The following CHRM3 variants were observed in gnomAD, a reference collection of about 807,000 sequenced individuals.
The protein encoded by CHRM3 is cholinergic receptor muscarinic 3, also known as muscarinic acetylcholine receptor M3.
Under a neutral mutation model 41.8 loss-of-function variants are expected in CHRM3, and 11 were observed. The observed-to-expected ratio is 0.26, with a 90% CI of 0.17 to 0.44. The LOEUF (loss-of-function observed/expected upper bound fraction) is 0.44, where lower values mean the gene tolerates loss of function less well. Ranked by LOEUF, CHRM3 falls within the 20% of genes least tolerant of loss-of-function variation. CHRM3 has a pLI of 1.00. For synonymous variants in CHRM3, 297 were observed against 301.4 expected (o/e 0.99, Z 0.15); for missense variants, 571 against 745.4 (o/e 0.77, Z 2.72).
chr1:239,751,635 G>A, intron 5 of CHRM3, among the ~76,000 whole-genome samples: 1 of 152,072 alleles, frequency 6.6e-6, no homozygotes. Context: ...TAAGTAGCTA[G>A]TGAAACTCCA....
At chr1:239,711,877 G>A (rs1377811334) in intron 5 of CHRM3, among the ~76,000 whole-genome samples, 1 of 151,928 alleles carries the variant, frequency 6.6e-6, no homozygotes, top group African/African-American at 2.4e-5. Context: ...ACAATAAAAT[G>A]TAGAGATGAA....
intron 3 of CHRM3, among the ~76,000 whole-genome samples, chr1:239,613,549 G>T (rs1667296154): frequency 6.6e-6 from 1 of 152,164 alleles, no homozygotes; most frequent in East Asian, 1.9e-4. Context: ...CAGACAAAAA[G>T]GAGAAGCCTA....
At chr1:239,852,345 T>C (rs1674763528) in intron 6 of CHRM3, among the ~76,000 whole-genome samples, 1 of 152,168 alleles carries the variant, frequency 6.6e-6, no homozygotes, top group Non-Finnish European at 1.5e-5. Flanking sequence ...ATTGTAACTT[T>C]AAGCTGTGTG....
At chr1:239,728,724 C>T (rs1328046656) in intron 5 of CHRM3, among the ~76,000 whole-genome samples, 1 of 151,954 alleles carries the variant, frequency 6.6e-6, no homozygotes. Flanking sequence ...TTCATTCTAA[C>T]TTCTACTCAA....
chr1:239,618,738 G>A (rs954793273), intron 3 of CHRM3, among the ~76,000 whole-genome samples: 3 of 149,472 alleles, frequency 2.0e-5, no homozygotes, highest in African/African-American at 7.4e-5. Context: ...CAGCTACTTG[G>A]GAGGCTGAGG....
chr1:239,705,864 T>C (rs1366313623), intron 5 of CHRM3: 1 of 151,874 alleles, frequency 6.6e-6, no homozygotes, highest in Non-Finnish European at 1.5e-5. Flanking sequence ...GTGTACAAGG[T>C]GATAAAATTA....
At chr1:239,515,400 CAT>C (rs1244730246) in intron 2 of CHRM3, among the ~76,000 whole-genome samples, 8 of 146,556 alleles carry the variant, frequency 5.5e-5, no homozygotes, top group South Asian at 2.2e-4. Context: ...CAATTGTTCA[CAT>C]GTTTTTTTTG....
intron 1 of CHRM3, among the ~76,000 whole-genome samples, chr1:239,411,680 G>A (rs1001943995): frequency 1.7e-5 from 2 of 114,886 alleles, no homozygotes; most frequent in Non-Finnish European, 3.2e-5. Context: ...AGCCAAGATC[G>A]CCCCATTGCA....
In CHRM3 at chr1:239,910,127, A is replaced by ACCT. The variant is rs1429056556; in HGVS notation, c.*907_*909dup. ...GCTTCGCCAGACTTGGTGTTAAGCA[A>ACCT]CCTCCTTTGTTGATGTCTCAACAGA... On this transcript the variant is annotated 3_prime_UTR_variant, in exon 7 of 7. Transcript: ENST00000676153. 6.0e-6 allele frequency: 1 copy of ACCT among 166,854 alleles called. No homozygotes were observed. Among genetic ancestry groups the ACCT allele is most frequent in the Non-Finnish European group, 1.5e-5 (1 of 68,092 alleles). 10.3% of individuals were successfully genotyped at this position (166,854 alleles called of 1,614,324 possible). A position where few individuals can be genotyped will look rare whatever the true frequency, so the allele number is the denominator to read the frequency against.
At chr1:239,561,757 AG>A (rs1346466559) in intron 3 of CHRM3, among the ~76,000 whole-genome samples, 4 of 152,146 alleles carry the variant, frequency 2.6e-5, no homozygotes, top group Admixed American at 2.6e-4. Context: ...CTCTATGAAA[AG>A]TAGAGAAAAT....
chr1:239,899,332 T>C (rs1237962969), intron 6 of CHRM3, among the ~76,000 whole-genome samples: 3 of 150,166 alleles, frequency 2.0e-5, no homozygotes, highest in African/African-American at 7.4e-5. Flanking sequence ...CATATATATC[T>C]ATTGAATTTA....
intron 2 of CHRM3, among the ~76,000 whole-genome samples, chr1:239,541,538 G>T (rs568084869): frequency 6.6e-6 from 1 of 151,790 alleles, no homozygotes; most frequent in African/African-American, 2.4e-5. Flanking sequence ...TTGAGATAGG[G>T]TGTCACTCCG....
Position 239,679,808 on chromosome 1 carries a change from T to A in CHRM3, c.-147+1520T>A, listed in dbSNP as rs146854140. Reference sequence around the variant, plus strand: ...AAAATCAGGACAGTTCACATAAAAATCTGGATTCCCAGTCTTCTCTTTCTC... The same window carrying A: ...AAAATCAGGACAGTTCACATAAAAAACTGGATTCCCAGTCTTCTCTTTCTC... On this transcript the variant is annotated intron_variant, in intron 5 of 6. Transcript: ENST00000676153. Among the ~76,000 whole-genome samples the A allele has an allele frequency of 3.3e-5, 5 of 152,222 alleles. No homozygotes were observed. In the East Asian group the frequency reaches 9.7e-4, roughly 29 times the overall value.
intron 1 of CHRM3, among the ~76,000 whole-genome samples, chr1:239,414,351 T>C (rs901915003): frequency 1.3e-5 from 2 of 152,218 alleles, no homozygotes; most frequent in African/African-American, 4.8e-5. Flanking sequence ...GTTGTTAATC[T>C]CTTCCTCAGT....
At chr1:239,519,741 CTTTTTTTTTTTTTTTTT>C (rs386370161) in intron 2 of CHRM3, among the ~76,000 whole-genome samples, 1 of 85,066 alleles carries the variant, frequency 1.2e-5, no homozygotes, top group African/African-American at 4.8e-5. Flanking sequence ...AAAACTAGTT[CTTTTTTTTTTTTTTTTT>C]TTTTTTTGAG....
At chr1:239,596,854 A>G (rs2148664978) in intron 3 of CHRM3, among the ~76,000 whole-genome samples, 1 of 152,240 alleles carries the variant, frequency 6.6e-6, no homozygotes, top group East Asian at 1.9e-4. Context: ...TAATCTTTTA[A>G]ATGCTGTACA....
intron 5 of CHRM3, among the ~76,000 whole-genome samples, chr1:239,715,488 A>G (rs1473087695): frequency 6.6e-6 from 1 of 152,118 alleles, no homozygotes; most frequent in Non-Finnish European, 1.5e-5. Flanking sequence ...ACTATCATGG[A>G]AGAATGCAGA....
chr1:239,392,518 A>G (rs1659123170), intron 1 of CHRM3, among the ~76,000 whole-genome samples: 1 of 152,208 alleles, frequency 6.6e-6, no homozygotes. Context: ...TAATGTAGAC[A>G]TCCTGGTTCA....
chr1:239,615,574 T>C (rs527689965), intron 3 of CHRM3, among the ~76,000 whole-genome samples: 2 of 152,296 alleles, frequency 1.3e-5, no homozygotes, highest in South Asian at 2.1e-4. Context: ...ACAACTTTGA[T>C]AGATATTTGT....
Sources: allele counts gnomAD v4.1 joint callset (sites outside exome capture counted in the v4.1 genomes callset), GRCh38; gene constraint gnomAD v4.1.1; transcripts MANE v1.5; gene names NCBI Gene and HGNC (gene_info 2026-07-23, HGNC 2026-07-21).